KRT72: variants seen among roughly 807,000 people sequenced by gnomAD.
KRT72 encodes keratin 72.
In KRT72, 44 loss-of-function variants were observed where a neutral mutation model predicts 44.7. The observed-to-expected ratio is 0.98, with a 90% CI of 0.77 to 1.27. KRT72 has a LOEUF of 1.27. Among genes scored for constraint, KRT72 ranks in the 50% most tolerant of loss-of-function variants. The probability of loss-of-function intolerance (pLI) is 0.00; values close to 1 mark genes in which losing one functional copy is unlikely to be tolerated. For missense variants in KRT72, 736 were observed against 667.1 expected (o/e 1.10, Z -1.14); for synonymous variants, 302 against 280.4 (o/e 1.08, Z -0.77).
chr12:52,586,898 C>T (rs758105408), intron 8 of KRT72, 48 bp downstream of exon 8: 2 of 1,573,360 alleles, frequency 1.3e-6, no homozygotes, highest in Non-Finnish European at 1.7e-6. Context: ...GGGACTCGGA[C>T]TTCTGGTAAG....
At chr12:52,597,863 A>G (rs772243921) in intron 2 of KRT72, among the ~76,000 whole-genome samples, 1 of 152,238 alleles carries the variant, frequency 6.6e-6, no homozygotes, top group Non-Finnish European at 1.5e-5. Context: ...CAGAGGACAC[A>G]GAGACTCATC....
upstream of KRT72, among the ~76,000 whole-genome samples, chr12:52,602,046 G>A (rs1391392648): frequency 6.6e-6 from 1 of 152,220 alleles, no homozygotes; most frequent in Non-Finnish European, 1.5e-5. Flanking sequence ...AGACCTCTCA[G>A]TCTGTTGGAG....
At position 52,600,728 on chromosome 12, in the gene KRT72, CT is replaced by C. The variant is rs11437152; in HGVS notation, c.426+298del. ...GAGAACTGTAAGTCCAATGAAACCT[CT>C]TTTTTTTTTTCCCAGTCTCGGGTAT... is the stretch of plus-strand genomic sequence containing the variant. On this transcript the variant is annotated intron_variant, in intron 1 of 8. Transcript: ENST00000293745. Among the ~76,000 whole-genome samples, 158 of 148,676 alleles carry C rather than the reference CT, an allele frequency of 1.1e-3. 1 individual carries two copies. The highest frequency in any genetic ancestry group is 6.9e-3 in the Middle Eastern group (2 of 290).
chr12:52,591,621 G>A lies in KRT72; in HGVS notation c.806C>T (p.Thr269Ile). The A allele has an allele frequency of 6.2e-7, 1 of 1,611,408 alleles. No homozygotes were observed. Among genetic ancestry groups the A allele is most frequent in the Non-Finnish European group, 8.5e-7 (1 of 1,177,858 alleles). Residue 269 changes from threonine (T) to isoleucine (I), a missense_variant, in exon 5 of 9, where the codon ACT becomes ATT. Transcript: ENST00000293745. ...FFKCLYEGEITQIQSHISDTS... is the reference protein window; with the variant it reads ...FFKCLYEGEIIQIQSHISDTS... ...GTCGCTGATGTGGGACTGGATCTGAGTGATCTCCTGGGGACGGTTGGGGGA... is the reference window on the plus strand; with the variant it reads ...GTCGCTGATGTGGGACTGGATCTGAATGATCTCCTGGGGACGGTTGGGGGA...
intron 2 of KRT72, among the ~76,000 whole-genome samples, chr12:52,595,211 T>C (rs960485496): frequency 6.6e-6 from 1 of 151,954 alleles, no homozygotes; most frequent in African/African-American, 2.4e-5. Context: ...AATACACACA[T>C]TAAAAAGAAA....
chr12:52,596,763 C>T (rs1272897359), intron 2 of KRT72, among the ~76,000 whole-genome samples: 1 of 152,032 alleles, frequency 6.6e-6, no homozygotes, highest in Admixed American at 6.5e-5. Context: ...TGTTGGCCAG[C>T]TGGCCTCGAA....
In KRT72 at chr12:52,592,314, G is replaced by A. The variant is rs990698409; in HGVS notation, c.798+82C>T. 5 of 971,162 alleles carry A rather than the reference G, an allele frequency of 5.1e-6. No individual in the cohort carries two copies. The Admixed American group carries it at 5.6e-5, about 11-fold the overall frequency. 60.2% of individuals were successfully genotyped at this position (971,162 alleles called of 1,614,324 possible). A position where few individuals can be genotyped will look rare whatever the true frequency, so the allele number is the denominator to read the frequency against. On this transcript the variant is annotated intron_variant, in intron 4 of 8. Coordinates refer to ENST00000293745, the MANE Select transcript of KRT72 (RefSeq NM_080747.3). ...AAAGCTTTCTCCCTCCCAATTCTTG[G>A]TCCACACCACCTTCCAGCCAGGGGC...
At chr12:52,589,819 A>T (rs1939928126) in intron 6 of KRT72, among the ~76,000 whole-genome samples, 1 of 152,238 alleles carries the variant, frequency 6.6e-6, no homozygotes, top group Admixed American at 6.5e-5. Context: ...TCGTCCAACC[A>T]TAAACACATA....
chr12:52,586,206 C>A, intron 8 of KRT72, 34 bp from the exon 9 acceptor site: 1 of 1,587,082 alleles, frequency 6.3e-7, no homozygotes, highest in South Asian at 1.1e-5. Context: ...CAGCCCCCGT[C>A]AGCTCTAGCC....
chr12:52,591,518 G>A lies in KRT72; in HGVS notation c.909C>T (p.Tyr303=), dbSNP rs112771714. 5.6e-4 allele frequency: 905 copies of A among 1,613,978 alleles called. 1 individual carries two copies. The highest frequency in any genetic ancestry group is 6.6e-4 in the Non-Finnish European group (783 of 1,179,984). The change falls in exon 5 of 9, where the codon TAC becomes TAT. Residue 303 remains tyrosine, a synonymous_variant. Coordinates refer to ENST00000293745, the MANE Select transcript of KRT72 (RefSeq NM_080747.3). ...DSIIAEVRAQ[Y]EEIALKSKAE... The stretch of plus-strand genomic sequence containing the variant: ...CCTTGCTCTTTAGGGCAATCTCCTC[G>A]TACTGGGCACGGACCTCGGCAATGA...
chr12:52,601,273 G>A lies in KRT72; in HGVS notation c.180C>T (p.Leu60=). 6.4e-7 allele frequency: 1 copy of A among 1,555,478 alleles called. No homozygotes were observed. The highest frequency in any genetic ancestry group is 8.7e-7 in the Non-Finnish European group (1 of 1,150,742). Reference sequence around the variant, plus strand: ...CGCCGCCCCGCCGTGCAGCAGCGCTGAGCGCCAGGCTTCGGCTGCCCCCAA... The same window carrying A: ...CGCCGCCCCGCCGTGCAGCAGCGCTAAGCGCCAGGCTTCGGCTGCCCCCAA... The part of the protein sequence containing the change: ...SCLGGSRSLA[L]SAAARRGGGR... The change falls in exon 1 of 9, where the codon CTC becomes CTT. Residue 60 remains leucine (L), a synonymous_variant. Coordinates refer to ENST00000293745, the MANE Select transcript of KRT72 (RefSeq NM_080747.3).
Position 52,591,637 on chromosome 12 carries a change from G to A in KRT72, c.799-9C>T, listed in dbSNP as rs112821912. On this transcript the variant is annotated splice_polypyrimidine_tract_variant and intron_variant, in intron 4 of 8. Coordinates refer to ENST00000293745, the MANE Select transcript of KRT72 (RefSeq NM_080747.3). Reference sequence around the variant, plus strand: ...TGGATCTGAGTGATCTCCTGGGGACGGTTGGGGGAGGGGAGCTAGTTAAGG... The same window carrying A: ...TGGATCTGAGTGATCTCCTGGGGACAGTTGGGGGAGGGGAGCTAGTTAAGG... 108 of 1,598,966 alleles carry A rather than the reference G, an allele frequency of 6.8e-5. No individual in the cohort carries two copies. The South Asian group carries it at 9.2e-4, about 14-fold the overall frequency.
chr12:52,598,097 T>C (rs1940280462), intron 2 of KRT72, among the ~76,000 whole-genome samples: 1 of 152,226 alleles, frequency 6.6e-6, no homozygotes, highest in Admixed American at 6.5e-5. Context: ...TTCTTGTTGG[T>C]GGCTATCTGA....
intron 6 of KRT72, among the ~76,000 whole-genome samples, chr12:52,589,388 C>T (rs1565615665): frequency 6.6e-6 from 1 of 152,156 alleles, no homozygotes; most frequent in South Asian, 2.1e-4. Context: ...AAACCCTGCC[C>T]CACCCTTGGG....
intron 4 of KRT72, 118 bp from the exon 5 acceptor site, chr12:52,591,746 T>C: frequency 9.9e-7 from 1 of 1,012,750 alleles, no homozygotes; most frequent in Non-Finnish European, 1.5e-6. Context: ...GTTTGAACTC[T>C]GCCTCAGCAC....
rs888721644 is a variant in KRT72 at position 52,601,128 on chromosome 12, G to T, written c.325C>A (p.Pro109Thr). Reference protein sequence around the residue: ...QVTVNKSLLAPLNVEMDPEIQ... With the variant: ...QVTVNKSLLATLNVEMDPEIQ... ...TCGGGGTCCATCTCCACGTTGAGCG[G>T]GGCCAGGAGGCTCTTGTTGACGGTG... The change falls in exon 1 of 9, where the codon CCG becomes ACG. Residue 109 changes from proline to threonine, a missense_variant. Pro to Thr is a conservative substitution (Grantham distance 38). Transcript: ENST00000293745. 6.2e-7 allele frequency: 1 copy of T among 1,613,404 alleles called. No individual in the cohort carries two copies. The highest frequency in any genetic ancestry group is 8.5e-7 in the Non-Finnish European group (1 of 1,179,788).
intron 6 of KRT72, among the ~76,000 whole-genome samples, chr12:52,588,060 A>G (rs1246599306): frequency 6.6e-6 from 1 of 152,226 alleles, no homozygotes; most frequent in Admixed American, 6.5e-5. Context: ...ATCTGAAAGT[A>G]GAAAACCTTC....
intron 2 of KRT72, among the ~76,000 whole-genome samples, chr12:52,595,338 CATAA>C (rs1188349604): frequency 3.9e-5 from 6 of 152,056 alleles, no homozygotes; most frequent in Middle Eastern, 3.4e-3. Context: ...TGTTTTATAA[CATAA>C]ATAGTTATAT....
chr12:52,586,815 C>T lies in KRT72; in HGVS notation c.1345+131G>A, dbSNP rs556090892. Reference sequence around the variant, plus strand: ...TTCCCCTTAGTTACTACAGCCAGCTCCTTCCTTTTTCCCTTAAGTCTCCCC... The same window carrying T: ...TTCCCCTTAGTTACTACAGCCAGCTTCTTCCTTTTTCCCTTAAGTCTCCCC... On this transcript the variant is annotated intron_variant, in intron 8 of 8. Transcript: ENST00000293745. 8.2e-6 allele frequency: 7 copies of T among 852,202 alleles called. No individual in the cohort carries two copies. The East Asian group carries it at 9.7e-5, about 12-fold the overall frequency. 52.8% of individuals were successfully genotyped at this position (852,202 alleles called of 1,614,324 possible). A position where few individuals can be genotyped will look rare whatever the true frequency, so the allele number is the denominator to read the frequency against.
Sources: gnomAD v4.1 joint callset for allele counts (sites outside exome capture counted in the v4.1 genomes callset) on GRCh38, gnomAD v4.1.1 for gene constraint, MANE v1.5 for transcripts, NCBI Gene and HGNC (gene_info 2026-07-23, HGNC 2026-07-21) for gene names.